Variants in DNAH17 observed in about 807,000 individuals in gnomAD.
The protein encoded by DNAH17 is axonemal beta dynein heavy chain 17.
A neutral mutation model predicts 485.6 loss-of-function variants in DNAH17; 376 were observed. The observed-to-expected ratio is 0.77, with a 90% CI of 0.71 to 0.84. The LOEUF is 0.84. Ranked by LOEUF, DNAH17 falls within the 40% of genes least tolerant of loss-of-function variation. The pLI, the probability that DNAH17 is intolerant of heterozygous loss-of-function variation, is 0.00. For missense variants in DNAH17, 6,370 were observed against 5,839.3 expected (o/e 1.09, Z -2.96); for synonymous variants, 3,031 against 2,405.9 (o/e 1.26, Z -7.60).
chr17:78,495,111 C>T lies in DNAH17; in HGVS notation c.5904-14G>A, dbSNP rs372197528. On this transcript the variant is annotated splice_polypyrimidine_tract_variant and intron_variant, in intron 38 of 80. Coordinates refer to ENST00000389840, the MANE Select transcript of DNAH17 (RefSeq NM_173628.4). ...ATGGCACAGGGCCTGGGGAGGTCAG[C>T]GGTGCCTGTGGGCTTCTGCCCACTC... 37 of 1,591,370 alleles carry T rather than the reference C, an allele frequency of 2.3e-5. No individual in the cohort carries two copies. The African/African-American group carries it at 3.6e-4, about 16-fold the overall frequency.
At chr17:78,522,288 C>A in intron 25 of DNAH17, 1 of 244,722 alleles carries the variant, frequency 4.1e-6, no homozygotes, top group South Asian at 4.6e-5. Flanking sequence ...ACAGTACCTC[C>A]ACTGAGAATG....
chr17:78,465,930 T>C (rs2088426028), intron 56 of DNAH17, among the ~76,000 whole-genome samples: 1 of 152,086 alleles, frequency 6.6e-6, no homozygotes, highest in African/African-American at 2.4e-5. Flanking sequence ...CTGGGAGGTG[T>C]GCCCAGCAGC....
rs779065575 is a variant in DNAH17 at position 78,507,485 on chromosome 17, G to C, written c.4557C>G (p.Arg1519=). 1 of 1,612,828 alleles carries C rather than the reference G, an allele frequency of 6.2e-7. No homozygotes were observed. The highest frequency in any genetic ancestry group is 8.5e-7 in the Non-Finnish European group (1 of 1,178,924). ...IRTQLPGDSQ[R]FDDINQEFKA... is the part of the protein sequence containing the mutation. The stretch of plus-strand genomic sequence containing the variant: ...TGAATTCCTGGTTGATGTCGTCAAA[G>C]CGCTGGGAGTCCCCCGGGAGCTGGG... Residue 1519 remains arginine (R), a synonymous_variant, in exon 28 of 81, where the codon CGC becomes CGG. Coordinates refer to ENST00000389840, the MANE Select transcript of DNAH17 (RefSeq NM_173628.4).
chr17:78,558,598 TA>T (rs950843122), intron 13 of DNAH17, among the ~76,000 whole-genome samples: 35 of 152,310 alleles, frequency 2.3e-4, no homozygotes, highest in Admixed American at 7.8e-4. Context: ...ACATTATCCT[TA>T]TGGGTGGATG....
chr17:78,465,013 G>A (rs983444111), intron 56 of DNAH17, among the ~76,000 whole-genome samples: 1 of 152,248 alleles, frequency 6.6e-6, no homozygotes, highest in African/African-American at 2.4e-5. Flanking sequence ...CTGTGCTGCT[G>A]CCATCTCGGC....
chr17:78,493,696 C>T (rs1460274121), intron 41 of DNAH17, among the ~76,000 whole-genome samples: 3 of 152,238 alleles, frequency 2.0e-5, no homozygotes, highest in African/African-American at 7.2e-5. Context: ...CACATGTCAC[C>T]ACTCCCTAGG....
At chr17:78,563,389 T>A (rs1331111458) in intron 11 of DNAH17, among the ~76,000 whole-genome samples, 1 of 150,830 alleles carries the variant, frequency 6.6e-6, no homozygotes, top group Non-Finnish European at 1.5e-5. Context: ...AGCATTGACA[T>A]GGGGCAGTTG....
intron 38 of DNAH17, 85 bp downstream of exon 38, chr17:78,495,777 GCCCTCTGCCCCTC>G (rs1215607461): frequency 8.5e-6 from 12 of 1,408,530 alleles, no homozygotes; most frequent in Non-Finnish European, 7.6e-6. Flanking sequence ...TCCCCAGCTT[GCCCTCTGCCCCTC>G]CCCTCTGCCC....
chr17:78,506,989 T>G, intron 29 of DNAH17, 143 bp from the exon 30 acceptor site: 1 of 1,262,774 alleles, frequency 7.9e-7, no homozygotes, highest in Non-Finnish European at 1.1e-6. Context: ...CAGAATCTCC[T>G]ACCGGAGGCT....
rs958849484 is a variant in DNAH17, at chr17:78,505,332, C to T, written c.4917G>A (p.Glu1639=). The part of the protein sequence containing the change: ...VGLGMYSKED[E]YMVFDQECDL... Reference sequence around the variant, plus strand: ...CGCATTCCTGATCAAAAACCATGTACTCGTCCTCCTTGCTGTACATTCCCA... The same window carrying T: ...CGCATTCCTGATCAAAAACCATGTATTCGTCCTCCTTGCTGTACATTCCCA... The change falls in exon 31 of 81, where the codon GAG becomes GAA. Residue 1639 remains glutamate, a synonymous_variant. Transcript: ENST00000389840. The T allele has an allele frequency of 5.6e-6, 9 of 1,613,854 alleles. No individual in the cohort carries two copies. The highest frequency in any genetic ancestry group is 5.0e-5 in the Admixed American group (3 of 60,008).
chr17:78,556,212 G>GATC (rs1419222337), intron 14 of DNAH17, among the ~76,000 whole-genome samples: 3 of 151,666 alleles, frequency 2.0e-5, no homozygotes, highest in Non-Finnish European at 4.4e-5. Flanking sequence ...TCTAGCTACC[G>GATC]ATCTATCTAT....
At chr17:78,540,192 G>T (rs541071135) in intron 17 of DNAH17, among the ~76,000 whole-genome samples, 1 of 132,540 alleles carries the variant, frequency 7.5e-6, no homozygotes. Context: ...TGGCTCAGAG[G>T]GCCACTCAGA....
chr17:78,445,730 G>A (rs1251032485), intron 69 of DNAH17, 50 bp from the exon 70 acceptor site: 6 of 1,568,692 alleles, frequency 3.8e-6, no homozygotes, highest in Non-Finnish European at 5.2e-6. Flanking sequence ...TAAAACGTCA[G>A]CAGCCCTGAA....
rs1255065210 is a variant in DNAH17, at chr17:78,494,598, C to G, written c.6265G>C (p.Glu2089Gln). The change falls in exon 40 of 81, where the codon GAA becomes CAA. Residue 2089 changes from glutamate to glutamine, a missense_variant. Coordinates refer to ENST00000389840, the MANE Select transcript of DNAH17 (RefSeq NM_173628.4). ...DVPRKRDLNF[E>Q]KIIKQSIVEL... Reference sequence around the variant, plus strand: ...TGAGACCCAGGAGTCCCGACCTTTTCAAAATTCAGGTCCCGTTTCCGAGGC... The same window carrying G: ...TGAGACCCAGGAGTCCCGACCTTTTGAAAATTCAGGTCCCGTTTCCGAGGC... 1 of 1,613,632 alleles carries G rather than the reference C, an allele frequency of 6.2e-7. No homozygotes were observed. The highest frequency in any genetic ancestry group is 8.5e-7 in the Non-Finnish European group (1 of 1,179,850).
chr17:78,473,929 C>T (rs2088891513), intron 54 of DNAH17, among the ~76,000 whole-genome samples: 2 of 152,190 alleles, frequency 1.3e-5, no homozygotes, highest in South Asian at 4.1e-4. Context: ...GACACACTAC[C>T]GCTCATGGGT....
In DNAH17 at chr17:78,577,346, A is replaced by G. The variant is rs913437464; in HGVS notation, c.-77T>C. 6.6e-6 allele frequency: 1 copy of G among 152,252 alleles called. No homozygotes were observed. Among genetic ancestry groups the G allele is most frequent in the Admixed American group, 6.5e-5 (1 of 15,278 alleles). The allele number at this position is 152,252 out of a possible 1,614,324, so 9.4% of individuals were successfully genotyped here. A position where few individuals can be genotyped will look rare whatever the true frequency, so the allele number is the denominator to read the frequency against. ...CAAACTGATGAGCAACTCTTTCCCAAACCAGGAAAGAAAATGGCTCCCTTC... is the reference window on the plus strand; with the variant it reads ...CAAACTGATGAGCAACTCTTTCCCAGACCAGGAAAGAAAATGGCTCCCTTC... On this transcript the variant is annotated 5_prime_UTR_variant, in exon 1 of 81. Coordinates refer to ENST00000389840, the MANE Select transcript of DNAH17 (RefSeq NM_173628.4).
chr17:78,449,868 G>T (rs1221900666), intron 68 of DNAH17: 2 of 434,116 alleles, frequency 4.6e-6, no homozygotes, highest in Non-Finnish European at 8.5e-6. Flanking sequence ...TACAGACAGG[G>T]TTTCACCATG....
At position 78,505,426 on chromosome 17, in the gene DNAH17, T is replaced by C. The variant is rs922387853; in HGVS notation, c.4823A>G (p.Lys1608Arg). 6 of 1,613,780 alleles carry C rather than the reference T, an allele frequency of 3.7e-6. No individual in the cohort carries two copies. The Admixed American group carries it at 5.0e-5, about 13-fold the overall frequency. ...CAGTTTACACAGGCTATCGAAGAGTTTGGACAGGTGGCGGCTCACCTGGGA... is the reference window on the plus strand; with the variant it reads ...CAGTTTACACAGGCTATCGAAGAGTCTGGACAGGTGGCGGCTCACCTGGGA... ...DPVEVSRHLSKLFDSLCKLKF... is the reference protein window; with the variant it reads ...DPVEVSRHLSRLFDSLCKLKF... The change falls in exon 31 of 81, where the codon AAA (lysine) becomes AGA (arginine). Residue 1608 changes from lysine (K) to arginine (R), a missense_variant. By Grantham distance (26) the Lys-to-Arg change is conservative (BLOSUM62 2). Coordinates refer to ENST00000389840, the MANE Select transcript of DNAH17 (RefSeq NM_173628.4).
chr17:78,461,155 G>T (rs1385171056), intron 58 of DNAH17, among the ~76,000 whole-genome samples: 1 of 152,106 alleles, frequency 6.6e-6, no homozygotes, highest in Non-Finnish European at 1.5e-5. Flanking sequence ...TGAGGACCAG[G>T]CTCCAGTGAG....
Sources: allele counts gnomAD v4.1 joint callset (sites outside exome capture counted in the v4.1 genomes callset), GRCh38; gene constraint gnomAD v4.1.1; transcripts MANE v1.5; gene names NCBI Gene and HGNC (gene_info 2026-07-23, HGNC 2026-07-21).